ZC3H12B: variants seen among roughly 807,000 people sequenced by gnomAD.
ZC3H12B encodes probable ribonuclease ZC3H12B.
In ZC3H12B, 7 loss-of-function variants were observed where a neutral mutation model predicts 43.9. The ratio of observed to expected loss-of-function variants is 0.16; its 90% confidence interval spans 0.09 to 0.30. ZC3H12B has a LOEUF of 0.30. ZC3H12B is among the 10% of genes least tolerant of loss of function. The probability of loss-of-function intolerance (pLI) is 1.00; values close to 1 mark genes in which losing one functional copy is unlikely to be tolerated. For missense variants in ZC3H12B, 475 were observed against 670.2 expected (o/e 0.71, Z 3.22); for synonymous variants, 222 against 241.7 (o/e 0.92, Z 0.76).
At chrX:65,388,080 C>A (rs774803463) in intron 2 of ZC3H12B, among the ~76,000 whole-genome samples, 2 of 111,738 alleles carry the variant, frequency 1.8e-5, no homozygotes, top group South Asian at 7.6e-4. Context: ...GCCATTTTTT[C>A]CTTCATTTCA....
the ZC3H12B span, among the ~76,000 whole-genome samples, chrX:65,216,784 G>C: frequency 0.012 from 1,290 of 112,102 alleles, 7 homozygotes; most frequent in South Asian, 0.037. Flanking sequence ...AAAAATATCA[G>C]AGGGATTCCT....
chrX:65,076,210 A>C, the ZC3H12B span, among the ~76,000 whole-genome samples: 1 of 104,126 alleles, frequency 9.6e-6, no homozygotes, highest in Non-Finnish European at 2.0e-5. Context: ...GTTGGAGTGC[A>C]GTGGTGTGAT....
At chrX:65,476,398 G>C (rs2067991929) in intron 3 of ZC3H12B, among the ~76,000 whole-genome samples, 1 of 111,558 alleles carries the variant, frequency 9.0e-6, no homozygotes, top group South Asian at 3.7e-4. Context: ...TCTTTATTGG[G>C]TTTTTAATTT....
intron 3 of ZC3H12B, among the ~76,000 whole-genome samples, chrX:65,461,041 C>G (rs774646813): frequency 1.7e-3 from 192 of 111,718 alleles, no homozygotes; most frequent in African/African-American, 5.9e-3. Context: ...AAAAAGTGGG[C>G]AAAGGATATG....
chrX:65,271,939 G>A, the ZC3H12B span: 2 of 125,531 alleles, frequency 1.6e-5, no homozygotes, highest in Non-Finnish European at 3.3e-5. Context: ...CCTAGGCCGG[G>A]TGCGGTGGCT....
chrX:65,387,041 G>T (rs915879977), intron 2 of ZC3H12B, among the ~76,000 whole-genome samples: 2 of 111,640 alleles, frequency 1.8e-5, no homozygotes, highest in Admixed American at 9.6e-5. Context: ...TCTTTTACAT[G>T]TGCTGAGGAG....
the ZC3H12B span, among the ~76,000 whole-genome samples, chrX:65,110,965 A>T: frequency 9.0e-6 from 1 of 111,401 alleles, no homozygotes; most frequent in Non-Finnish European, 1.9e-5. Context: ...ATTTATACCT[A>T]AGTATTTCAG....
the ZC3H12B span, among the ~76,000 whole-genome samples, chrX:65,154,707 G>A: frequency 1.8e-5 from 2 of 111,016 alleles, no homozygotes; most frequent in South Asian, 7.5e-4. Context: ...GAATTAGCTG[G>A]GTGTGTTGCA....
upstream of ZC3H12B, among the ~76,000 whole-genome samples, chrX:65,488,130 CA>C (rs1290944390): frequency 9.0e-6 from 1 of 111,114 alleles, no homozygotes; most frequent in African/African-American, 3.3e-5. Context: ...CTCGGCCTCC[CA>C]AAGTGCTGGG....
chrX:65,341,640 G>A, the ZC3H12B span, among the ~76,000 whole-genome samples: 4 of 110,817 alleles, frequency 3.6e-5, no homozygotes, highest in Admixed American at 9.6e-5. Context: ...GAATAAGAGC[G>A]TTTTCAAACA....
At chrX:65,100,955 C>T in the ZC3H12B span, among the ~76,000 whole-genome samples, 1 of 111,731 alleles carries the variant, frequency 9.0e-6, no homozygotes, top group South Asian at 3.8e-4. Context: ...CTTCTCAGAA[C>T]CACATAGCAG....
In ZC3H12B at chrX:65,449,396, A is replaced by G. The variant is rs542360573; in HGVS notation, n.408-39250A>G. ...CACATTGGGAGGCCAAGGCGGGCGG[A>G]TCACCTGAGGTCAGGGATTCAAGAC... On this transcript the variant is annotated intron_variant and non_coding_transcript_variant, in intron 3 of 5. Transcript: ENST00000617377. Among the ~76,000 whole-genome samples, 29 of 111,641 alleles carry G rather than the reference A, an allele frequency of 2.6e-4. 1 individual carries two copies. The South Asian group carries it at 9.6e-3, about 37-fold the overall frequency.
intron 3 of ZC3H12B, among the ~76,000 whole-genome samples, chrX:65,428,273 G>T (rs2067108755): frequency 9.0e-6 from 1 of 111,546 alleles, no homozygotes; most frequent in South Asian, 3.8e-4. Context: ...TCTTACTGAG[G>T]TTCTCTGCAT....
intron 2 of ZC3H12B, among the ~76,000 whole-genome samples, chrX:65,373,909 T>TATATATATATAGTA (rs1412172865): frequency 0.04 from 39 of 981 alleles, 4 homozygotes; most frequent in African/African-American, 0.07. Flanking sequence ...ATATATATAG[T>TATATATATATAGTA]TATATATATA....
At chrX:65,355,911 C>A in the ZC3H12B span, among the ~76,000 whole-genome samples, 1 of 111,916 alleles carries the variant, frequency 8.9e-6, no homozygotes, top group Non-Finnish European at 1.9e-5. Flanking sequence ...GCTGAGATAG[C>A]ACCATTGCAC....
chrX:65,170,257 T>G, the ZC3H12B span, among the ~76,000 whole-genome samples: 75 of 111,788 alleles, frequency 6.7e-4, no homozygotes, highest in Non-Finnish European at 1.3e-3. Flanking sequence ...AGCACTTGTT[T>G]GTCTGTAAAG....
the ZC3H12B span, among the ~76,000 whole-genome samples, chrX:65,069,454 G>A: frequency 1.5e-4 from 16 of 109,406 alleles, no homozygotes; most frequent in Non-Finnish European, 3.0e-4. Context: ...TATGCCAATT[G>A]CATTTTACAG....
At chrX:65,424,565 G>A (rs925534034) in intron 3 of ZC3H12B, among the ~76,000 whole-genome samples, 2 of 112,083 alleles carry the variant, frequency 1.8e-5, no homozygotes, top group African/African-American at 6.5e-5. Context: ...GAATGGTATT[G>A]CCCAGATTTT....
chrX:65,451,339 T>G (rs780353243), intron 3 of ZC3H12B, among the ~76,000 whole-genome samples: 49 of 111,600 alleles, frequency 4.4e-4, no homozygotes, highest in African/African-American at 1.4e-3. Context: ...GTTGTGTGTG[T>G]TCTCAAGTAG....
Sources: allele counts gnomAD v4.1 joint callset (sites outside exome capture counted in the v4.1 genomes callset), GRCh38; gene constraint gnomAD v4.1.1; transcripts MANE v1.5; gene names NCBI Gene and HGNC (gene_info 2026-07-23, HGNC 2026-07-21).